RTL4: variants seen among roughly 807,000 people sequenced by gnomAD.
RTL4 encodes retrotransposon Gag like 4, also known as retrotransposon Gag-like protein 4.
Under a neutral mutation model 5.3 loss-of-function variants are expected in RTL4, and 4 were observed. The ratio of observed to expected loss-of-function variants is 0.75; its 90% CI spans 0.37 to 1.72. The LOEUF is 1.72. Ranked by LOEUF, RTL4 falls within the 40% of genes most tolerant of loss-of-function variation. The pLI, the probability that RTL4 is intolerant of heterozygous loss-of-function variation, is 0.04. For missense variants in RTL4, 260 were observed against 227.1 expected, an observed-to-expected ratio of 1.14 and a Z score of -0.93; for synonymous variants, 98 against 87.3, an observed-to-expected ratio of 1.12 and a Z score of -0.68.
the RTL4 span, among the ~76,000 whole-genome samples, chrX:112,431,565 T>A: frequency 1.8e-5 from 2 of 111,377 alleles, no homozygotes; most frequent in African/African-American, 6.5e-5. Context: ...GGGTTTCTGC[T>A]TTTGTATGTT....
the RTL4 span, among the ~76,000 whole-genome samples, chrX:112,240,443 G>T: frequency 8.9e-6 from 1 of 111,952 alleles, no homozygotes; most frequent in Non-Finnish European, 1.9e-5. Flanking sequence ...AGCCTAGTCT[G>T]ACTTAAATGT....
At chrX:112,166,340 A>T in the RTL4 span, among the ~76,000 whole-genome samples, 1 of 112,119 alleles carries the variant, frequency 8.9e-6, no homozygotes, top group African/African-American at 3.2e-5. Context: ...ACGAGACAGA[A>T]ACAATTTTTG....
the RTL4 span, among the ~76,000 whole-genome samples, chrX:112,287,646 T>C: frequency 9.0e-6 from 1 of 111,635 alleles, no homozygotes; most frequent in Non-Finnish European, 1.9e-5. Context: ...ATGGTATAAG[T>C]GGACATGATC....
At chrX:112,399,421 T>C in the RTL4 span, among the ~76,000 whole-genome samples, 6,382 of 111,490 alleles carry the variant, frequency 0.057, 502 homozygotes, top group African/African-American at 0.2. Context: ...GTTGATTTGA[T>C]TTATTTCTTT....
chrX:112,249,729 T>C, the RTL4 span, among the ~76,000 whole-genome samples: 1 of 108,005 alleles, frequency 9.3e-6, no homozygotes, highest in African/African-American at 3.4e-5. Context: ...TCTGAACATC[T>C]CAGCCTCTAT....
chrX:112,387,604 A>G, the RTL4 span, among the ~76,000 whole-genome samples: 1 of 111,700 alleles, frequency 9.0e-6, no homozygotes, highest in South Asian at 3.7e-4. Context: ...AATGTGATGA[A>G]GGGGTCCAGC....
chrX:112,134,634 C>A, the RTL4 span, among the ~76,000 whole-genome samples: 4 of 112,035 alleles, frequency 3.6e-5, no homozygotes, highest in South Asian at 3.7e-4. Context: ...CATATGTGTA[C>A]ACCCAGTGAA....
the RTL4 span, among the ~76,000 whole-genome samples, chrX:112,434,939 A>T: frequency 1.8e-5 from 2 of 111,185 alleles, no homozygotes; most frequent in African/African-American, 6.5e-5. Flanking sequence ...CAGGAAGCTT[A>T]CGTCAGGTGG....
the RTL4 span, among the ~76,000 whole-genome samples, chrX:112,185,507 G>A: frequency 2.8e-5 from 3 of 106,653 alleles, no homozygotes; most frequent in Non-Finnish European, 3.8e-5. Context: ...CTGTGCTCTC[G>A]TAGAATTGTG....
At chrX:112,257,521 A>T in the RTL4 span, among the ~76,000 whole-genome samples, 1 of 111,120 alleles carries the variant, frequency 9.0e-6, no homozygotes, top group East Asian at 2.8e-4. Context: ...TTTATAAATG[A>T]CAGAAACGTA....
At chrX:112,378,868 A>G in the RTL4 span, among the ~76,000 whole-genome samples, 1 of 112,311 alleles carries the variant, frequency 8.9e-6, no homozygotes, top group Admixed American at 9.4e-5. Flanking sequence ...ACAGCGTACC[A>G]TCCCTCAAGG....
chrX:112,355,553 G>A, the RTL4 span, among the ~76,000 whole-genome samples: 7 of 111,554 alleles, frequency 6.3e-5, no homozygotes, highest in Admixed American at 2.9e-4. Flanking sequence ...GCCAACAAAA[G>A]TCATCCTTTT....
the RTL4 span, among the ~76,000 whole-genome samples, chrX:112,114,765 G>A: frequency 0.024 from 2,617 of 111,340 alleles, 96 homozygotes; most frequent in African/African-American, 0.081. Flanking sequence ...ATGGGAGTAA[G>A]TTGAGAGGTC....
chrX:112,128,557 A>G, the RTL4 span, among the ~76,000 whole-genome samples: 2 of 106,839 alleles, frequency 1.9e-5, no homozygotes, highest in African/African-American at 6.8e-5. Context: ...TACTTGGGAG[A>G]CTGAGGCAGG....
chrX:112,331,944 T>A, the RTL4 span, among the ~76,000 whole-genome samples: 1 of 89,237 alleles, frequency 1.1e-5, no homozygotes, highest in Non-Finnish European at 2.1e-5. Context: ...CACTCATAGG[T>A]GGGAATTGAA....
At chrX:112,245,734 C>A in the RTL4 span, among the ~76,000 whole-genome samples, 4 of 112,346 alleles carry the variant, frequency 3.6e-5, no homozygotes, top group Non-Finnish European at 7.5e-5. Context: ...AGCTTTGTTC[C>A]ATTGCTGGTA....
chrX:112,243,189 G>T, the RTL4 span, among the ~76,000 whole-genome samples: 1 of 111,311 alleles, frequency 9.0e-6, no homozygotes, highest in Non-Finnish European at 1.9e-5. Flanking sequence ...AGGCTTTGGT[G>T]TCAGGATGAT....
chrX:112,322,214 G>A, the RTL4 span, among the ~76,000 whole-genome samples: 4 of 111,277 alleles, frequency 3.6e-5, no homozygotes, highest in Non-Finnish European at 5.7e-5. Context: ...TAGGTGAGTC[G>A]TACAGGAAGT....
the RTL4 span, among the ~76,000 whole-genome samples, chrX:112,242,919 G>A: frequency 2.7e-5 from 3 of 111,546 alleles, no homozygotes; most frequent in African/African-American, 9.8e-5. Context: ...GAATTTTGTT[G>A]AATGCCTTTT....
Sources: allele counts gnomAD v4.1 joint callset (sites outside exome capture counted in the v4.1 genomes callset), GRCh38; gene constraint gnomAD v4.1.1; transcripts MANE v1.5; gene names NCBI Gene and HGNC (gene_info 2026-07-23, HGNC 2026-07-21).